The following FMN2 variants were observed in gnomAD, a reference collection of about 807,000 sequenced individuals.
FMN2 encodes formin 2.
FMN2 carries 51 observed loss-of-function variants against 142.3 expected under a neutral mutation model. The ratio of observed to expected loss-of-function variants is 0.36; its 90% CI spans 0.29 to 0.45. FMN2 has a LOEUF of 0.45. Among genes scored for constraint, FMN2 ranks in the 20% least tolerant of loss-of-function variants. The pLI, the probability that FMN2 is intolerant of heterozygous loss-of-function variation, is 1.00. For synonymous variants in FMN2, 882 were observed against 869.8 expected (o/e 1.01, Z -0.25); for missense variants, 1,936 against 2,122.8 (o/e 0.91, Z 1.73).
chr1:240,093,818 G>A, intron 1 of FMN2, 94 bp downstream of exon 1: 1 of 894,912 alleles, frequency 1.1e-6, no homozygotes, highest in Non-Finnish European at 1.5e-6. Flanking sequence ...CTGGAAGGCG[G>A]TGACCTGGTA....
In FMN2 at chr1:240,474,800, T is replaced by C. The variant is rs1481855170; in HGVS notation, c.*646T>C. Reference sequence around the variant, plus strand: ...TGTATGAGCTGGGTGTTTTTTTCCATTACTTTTAATGATCTTCGTTGCAAG... The same window carrying C: ...TGTATGAGCTGGGTGTTTTTTTCCACTACTTTTAATGATCTTCGTTGCAAG... On this transcript the variant is annotated 3_prime_UTR_variant, in exon 18 of 18. Transcript: ENST00000319653. 1 of 152,474 alleles carries C rather than the reference T, an allele frequency of 6.6e-6. No individual in the cohort carries two copies. The highest frequency in any genetic ancestry group is 1.5e-5 in the Non-Finnish European group (1 of 68,024). 9.4% of individuals were successfully genotyped at this position (152,474 alleles called of 1,614,324 possible).
chr1:240,315,913 C>G (rs1670766255), intron 8 of FMN2, among the ~76,000 whole-genome samples: 1 of 152,150 alleles, frequency 6.6e-6, no homozygotes, highest in African/African-American at 2.4e-5. Context: ...AAAGTATTTT[C>G]CCTTAAATGT....
At chr1:240,350,721 C>T (rs1200824670) in intron 13 of FMN2, among the ~76,000 whole-genome samples, 1 of 152,084 alleles carries the variant, frequency 6.6e-6, no homozygotes, top group African/African-American at 2.4e-5. Flanking sequence ...ATCATTTGTA[C>T]GTGTTCTGTA....
At chr1:240,299,810 G>T (rs1465985767) in intron 8 of FMN2, among the ~76,000 whole-genome samples, 1 of 151,980 alleles carries the variant, frequency 6.6e-6, no homozygotes, top group Non-Finnish European at 1.5e-5. Context: ...ATGAACCCAA[G>T]ATGGACCTAA....
intron 8 of FMN2, among the ~76,000 whole-genome samples, chr1:240,315,323 A>G (rs757600403): frequency 1.3e-5 from 2 of 152,244 alleles, no homozygotes; most frequent in East Asian, 1.9e-4. Flanking sequence ...CATGAACAGT[A>G]AAAACATTTG....
At chr1:240,313,029 C>G (rs1307347571) in intron 8 of FMN2, among the ~76,000 whole-genome samples, 2 of 152,212 alleles carry the variant, frequency 1.3e-5, no homozygotes, top group Non-Finnish European at 2.9e-5. Flanking sequence ...TTCTGAAGTA[C>G]AAGGCTCAAT....
At chr1:240,460,453 G>A (rs919156344) in intron 16 of FMN2, among the ~76,000 whole-genome samples, 18 of 152,134 alleles carry the variant, frequency 1.2e-4, no homozygotes, top group African/African-American at 2.4e-4. Context: ...TTAGCTGGGC[G>A]TGGTGGCAGG....
At chr1:240,330,800 G>A (rs1671349905) in intron 11 of FMN2, 51 bp downstream of exon 11, 1 of 1,586,622 alleles carries the variant, frequency 6.3e-7, no homozygotes, top group African/African-American at 1.4e-5. Flanking sequence ...TCAAGGTTTT[G>A]TTTAGTAATG....
chr1:240,284,040 G>A (rs1223968289), intron 7 of FMN2, among the ~76,000 whole-genome samples: 1 of 152,098 alleles, frequency 6.6e-6, no homozygotes, highest in Non-Finnish European at 1.5e-5. Context: ...AGCAGCAATT[G>A]TTCCAAGTGA....
chr1:240,415,151 G>A lies in FMN2; in HGVS notation c.4910+22589G>A, dbSNP rs191087420. On this transcript the variant is annotated intron_variant, in intron 15 of 17. Coordinates refer to ENST00000319653, the MANE Select transcript of FMN2 (RefSeq NM_020066.5). ...GGAACCAACCCAAATGCCCATCAAT[G>A]ATAGACTGGATAAAGAAAATGTGGC... Among the ~76,000 whole-genome samples the A allele has an allele frequency of 5.3e-5, 8 of 152,246 alleles. No homozygotes were observed. The East Asian group carries it at 1.5e-3, about 29-fold the overall frequency.
At chr1:240,138,568 A>ATGGTGG (rs1415035770) in intron 2 of FMN2, among the ~76,000 whole-genome samples, 1 of 151,880 alleles carries the variant, frequency 6.6e-6, no homozygotes, top group Non-Finnish European at 1.5e-5. Context: ...TTAGTCAGGC[A>ATGGTGG]TGGTGGTGCA....
At chr1:240,426,861 C>T (rs2103153134) in intron 15 of FMN2, among the ~76,000 whole-genome samples, 1 of 152,140 alleles carries the variant, frequency 6.6e-6, no homozygotes, top group African/African-American at 2.4e-5. Flanking sequence ...GCCTCAGCCT[C>T]CCAGGTAGCT....
intron 15 of FMN2, among the ~76,000 whole-genome samples, chr1:240,419,853 C>T (rs1268303536): frequency 6.6e-6 from 1 of 152,128 alleles, no homozygotes; most frequent in African/African-American, 2.4e-5. Flanking sequence ...AGAGCAGCCA[C>T]CTGTAGCCTC....
At chr1:240,301,316 G>C (rs1324171569) in intron 8 of FMN2, among the ~76,000 whole-genome samples, 1 of 151,390 alleles carries the variant, frequency 6.6e-6, no homozygotes, top group Non-Finnish European at 1.5e-5. Flanking sequence ...AGGGCTTTTT[G>C]CTGCCTCTCC....
chr1:240,158,264 A>G (rs1473588332), intron 2 of FMN2, among the ~76,000 whole-genome samples: 1 of 152,184 alleles, frequency 6.6e-6, no homozygotes, highest in Non-Finnish European at 1.5e-5. Context: ...GCCTCAGAGC[A>G]TAAGCTTTGT....
intron 4 of FMN2, among the ~76,000 whole-genome samples, chr1:240,199,393 G>C (rs1558354889): frequency 6.6e-6 from 1 of 152,150 alleles, no homozygotes; most frequent in Admixed American, 6.5e-5. Context: ...AAGTTTCAAA[G>C]ATGAGCAAAT....
intron 8 of FMN2, among the ~76,000 whole-genome samples, chr1:240,318,053 G>A (rs1016672801): frequency 1.3e-5 from 2 of 152,208 alleles, no homozygotes; most frequent in Admixed American, 6.5e-5. Flanking sequence ...CGATATGTCT[G>A]TTTATGTCTT....
At chr1:240,251,079 TGTTTA>T (rs1400456376) in intron 6 of FMN2, among the ~76,000 whole-genome samples, 1 of 152,108 alleles carries the variant, frequency 6.6e-6, no homozygotes, top group African/African-American at 2.4e-5. Flanking sequence ...GTCTTTATTT[TGTTTA>T]GTTCTGTTCT....
chr1:240,367,990 C>A (rs532025005), intron 14 of FMN2, among the ~76,000 whole-genome samples: 3 of 151,994 alleles, frequency 2.0e-5, no homozygotes, highest in Admixed American at 6.6e-5. Context: ...AAGGAATAAG[C>A]CGTTTTCTCT....
Sources: allele counts gnomAD v4.1 joint callset (sites outside exome capture counted in the v4.1 genomes callset), GRCh38; gene constraint gnomAD v4.1.1; transcripts MANE v1.5; gene names NCBI Gene and HGNC (gene_info 2026-07-23, HGNC 2026-07-21).